Variants in KLF9 observed in about 807,000 individuals in gnomAD.
KLF9 encodes the protein KLF transcription factor 9.
In KLF9, 2 loss-of-function variants were observed where a neutral mutation model predicts 17.3. That is an observed-to-expected ratio of 0.12 (90% CI 0.05 to 0.36). KLF9 has a LOEUF of 0.36. Ranked by LOEUF, KLF9 falls within the 10% of genes least tolerant of loss-of-function variation. The pLI is 1.00. For synonymous variants in KLF9, 138 were observed against 139.2 expected, an observed-to-expected ratio of 0.99 and a Z score of 0.06; for missense variants, 226 against 333.2, an observed-to-expected ratio of 0.68 and a Z score of 2.51.
At chr9:70,411,479 T>C (rs2037313112) in intron 1 of KLF9, among the ~76,000 whole-genome samples, 1 of 152,188 alleles carries the variant, frequency 6.6e-6, no homozygotes, top group Middle Eastern at 3.2e-3. Flanking sequence ...TGCTGTTTTA[T>C]GGCAACCTAA....
chr9:70,409,322 C>T (rs572437438), intron 1 of KLF9, among the ~76,000 whole-genome samples: 1 of 149,850 alleles, frequency 6.7e-6, no homozygotes, highest in African/African-American at 2.5e-5. Context: ...TGTTATCAAA[C>T]TCAACCCATT....
intron 1 of KLF9, among the ~76,000 whole-genome samples, chr9:70,388,420 G>A (rs570209296): frequency 6.6e-6 from 1 of 152,288 alleles, no homozygotes; most frequent in African/African-American, 2.4e-5. Context: ...CTCCAGAACT[G>A]TGAGGAAATA....
At position 70,413,477 on chromosome 9, in the gene KLF9, G is replaced by C; in HGVS notation, c.-114C>G. On this transcript the variant is annotated 5_prime_UTR_variant, in exon 1 of 2. Coordinates refer to ENST00000377126, the MANE Select transcript of KLF9 (RefSeq NM_001206.4). This position sits in a 1 kb window ranked among gnomAD's most constrained non-coding sequence, Gnocchi z 5.6. ...AGCGCGGCGCGGCGCGGCACGGCGC[G>C]GCGGCCAAGGGGGCGGGGGCGCGGG... The C allele has an allele frequency of 1.2e-5, 14 of 1,134,536 alleles. No individual in the cohort carries two copies. The highest frequency in any genetic ancestry group is 1.4e-5 in the Non-Finnish European group (13 of 905,674). The allele number at this position is 1,134,536 out of a possible 1,614,324, so 70.3% of individuals were successfully genotyped here.
rs1341349683 is a variant in KLF9, at chr9:70,386,432, A to G, written c.*1344T>C. 6.6e-6 allele frequency: 1 copy of G among 152,658 alleles called. No homozygotes were observed. The highest frequency in any genetic ancestry group is 1.5e-5 in the Non-Finnish European group (1 of 68,042). 9.5% of individuals were successfully genotyped at this position (152,658 alleles called of 1,614,324 possible). On this transcript the variant is annotated 3_prime_UTR_variant, in exon 2 of 2. Transcript: ENST00000377126. ...ATTCCATGTTGCCTGCATTCTCCAC[A>G]AGGGACGATTTTGCAGAGTCTCCTC...
At chr9:70,406,574 G>A (rs557701853) in intron 1 of KLF9, among the ~76,000 whole-genome samples, 5 of 152,274 alleles carry the variant, frequency 3.3e-5, no homozygotes, top group Admixed American at 6.5e-5. Context: ...AAAGTGGGGC[G>A]GAGAAAGAGA....
At chr9:70,392,991 A>T (rs1263853480) in intron 1 of KLF9, among the ~76,000 whole-genome samples, 1 of 152,212 alleles carries the variant, frequency 6.6e-6, no homozygotes, top group Admixed American at 6.5e-5. Flanking sequence ...TTACTGGAGC[A>T]GAGCTGTTAA....
Position 70,385,128 on chromosome 9 carries a change from T to C in KLF9, c.*2648A>G, listed in dbSNP as rs554600088. 6.5e-6 allele frequency: 1 copy of C among 152,766 alleles called. No homozygotes were observed. The highest frequency in any genetic ancestry group is 2.4e-5 in the African/African-American group (1 of 41,592). The allele number at this position is 152,766 out of a possible 1,614,324, so 9.5% of individuals were successfully genotyped here. A position where few individuals can be genotyped will look rare whatever the true frequency, so the allele number is the denominator to read the frequency against. On this transcript the variant is annotated 3_prime_UTR_variant, in exon 2 of 2. Transcript: ENST00000377126. ...CAAAAATTCAGTTTGGTTAAAAAAG[T>C]AAACAAAAATTACTATCCTGCATTT...
At chr9:70,409,428 T>C (rs2037294365) in intron 1 of KLF9, among the ~76,000 whole-genome samples, 1 of 151,570 alleles carries the variant, frequency 6.6e-6, no homozygotes, top group Non-Finnish European at 1.5e-5. Flanking sequence ...GTCATCCAGA[T>C]ATCAACCCAG....
In KLF9 at chr9:70,406,583, G is replaced by C. The variant is rs564571278; in HGVS notation, c.505+6276C>G. Among the ~76,000 whole-genome samples the C allele has an allele frequency of 1.4e-4, 22 of 152,306 alleles. No homozygotes were observed. In the South Asian group the frequency reaches 4.6e-3, roughly 32 times the overall value. The stretch of plus-strand genomic sequence containing the variant: ...CAACAAAAAGTGGGGCGGAGAAAGA[G>C]AGCCAGGATTGCTCAAAGACCACTG... On this transcript the variant is annotated intron_variant, in intron 1 of 1. Transcript: ENST00000377126.
intron 1 of KLF9, among the ~76,000 whole-genome samples, chr9:70,406,758 G>C (rs1459265885): frequency 6.6e-6 from 1 of 152,004 alleles, no homozygotes. Flanking sequence ...TTCAGTGGGC[G>C]CTGGGCTTGC....
intron 1 of KLF9, among the ~76,000 whole-genome samples, chr9:70,400,376 A>G (rs938041130): frequency 3.3e-5 from 5 of 152,176 alleles, no homozygotes; most frequent in Admixed American, 6.5e-5. Context: ...ACAGCATGCA[A>G]CATGGATGGC....
chr9:70,389,113 C>T (rs761144261), intron 1 of KLF9, among the ~76,000 whole-genome samples: 1 of 151,838 alleles, frequency 6.6e-6, no homozygotes, highest in Non-Finnish European at 1.5e-5. Context: ...TGCACTCTAG[C>T]CTAGGCGACA....
At position 70,409,060 on chromosome 9, in the gene KLF9, GTA is replaced by G. The variant is rs1167458714; in HGVS notation, c.505+3797_505+3798del. Among the ~76,000 whole-genome samples, 87 of 77,992 alleles carry G rather than the reference GTA, an allele frequency of 1.1e-3. 2 individuals are homozygous for G. Among genetic ancestry groups the G allele is most frequent in the East Asian group, 1.7e-3 (6 of 3,490 alleles). 51.2% of individuals were successfully genotyped at this position (77,992 alleles called of 152,430 possible). ...TGTGTATATATATATACATATATGT[GTA>G]TATATATGTGTATATATATACACAT... On this transcript the variant is annotated intron_variant, in intron 1 of 1. Transcript: ENST00000377126.
rs936303749 is a variant in KLF9 at position 70,387,110 on chromosome 9, G to A, written c.*666C>T. On this transcript the variant is annotated 3_prime_UTR_variant, in exon 2 of 2. Coordinates refer to ENST00000377126, the MANE Select transcript of KLF9 (RefSeq NM_001206.4). ...GACTCTGCTTACCCATTGACTATAA[G>A]TAACTGTTTTTTGTTTTCAAGTCTT... 1.3e-5 allele frequency: 2 copies of A among 152,874 alleles called. No individual in the cohort carries two copies. Among genetic ancestry groups the A allele is most frequent in the Non-Finnish European group, 2.9e-5 (2 of 68,356 alleles). The allele number at this position is 152,874 out of a possible 1,614,324, so 9.5% of individuals were successfully genotyped here. A position where few individuals can be genotyped will look rare whatever the true frequency, so the allele number is the denominator to read the frequency against.
intron 1 of KLF9, among the ~76,000 whole-genome samples, chr9:70,407,916 T>A (rs1389215531): frequency 6.6e-6 from 1 of 152,224 alleles, no homozygotes; most frequent in Non-Finnish European, 1.5e-5. Context: ...AACAGGATAC[T>A]TGATATCACT....
intron 1 of KLF9, among the ~76,000 whole-genome samples, chr9:70,388,317 G>A (rs2037128083): frequency 6.6e-6 from 1 of 152,138 alleles, no homozygotes; most frequent in Non-Finnish European, 1.5e-5. Flanking sequence ...GGAAGACCTT[G>A]GGAAGACAGG....
rs558511549 is a variant in KLF9, at chr9:70,398,582, G to A, written c.506-10577C>T. On this transcript the variant is annotated intron_variant, in intron 1 of 1. Coordinates refer to ENST00000377126, the MANE Select transcript of KLF9 (RefSeq NM_001206.4). Reference sequence around the variant, plus strand: ...CGGCTCACTGCAACCTCTGCCTCCCGGGTTCAAGCAATTCTCGTGTCTCAG... The same window carrying A: ...CGGCTCACTGCAACCTCTGCCTCCCAGGTTCAAGCAATTCTCGTGTCTCAG... Among the ~76,000 whole-genome samples, 10 of 150,882 alleles carry A rather than the reference G, an allele frequency of 6.6e-5. 1 individual carries two copies. In the East Asian group the frequency reaches 1.4e-3, roughly 21 times the overall value.
In KLF9 at chr9:70,385,421, C is replaced by G. The variant is rs896514467; in HGVS notation, c.*2355G>C. On this transcript the variant is annotated 3_prime_UTR_variant, in exon 2 of 2. Transcript: ENST00000377126. ...AACAACTTGAAAAGGCAAGTAACAA[C>G]TTTTTTGGGAAGTAAATTGTGCATT... is the stretch of plus-strand genomic sequence containing the variant. 3.3e-5 allele frequency: 5 copies of G among 152,558 alleles called. No individual in the cohort carries two copies. The highest frequency in any genetic ancestry group is 5.9e-5 in the Non-Finnish European group (4 of 68,014). 9.5% of individuals were successfully genotyped at this position (152,558 alleles called of 1,614,324 possible).
chr9:70,411,574 GAACA>G (rs1285773530), intron 1 of KLF9, among the ~76,000 whole-genome samples: 3 of 152,160 alleles, frequency 2.0e-5, no homozygotes, highest in Admixed American at 6.5e-5. Context: ...ACCTCCACAA[GAACA>G]AGTTTCCAAA....
Sources: gnomAD v4.1 joint callset for allele counts (sites outside exome capture counted in the v4.1 genomes callset) on GRCh38, gnomAD v4.1.1 for gene constraint, Gnocchi (gnomAD v3.1) non-coding constraint, MANE v1.5 for transcripts, NCBI Gene and HGNC (gene_info 2026-07-23, HGNC 2026-07-21) for gene names.